Variants in STIM1 observed in about 807,000 individuals in gnomAD.
STIM1 encodes stromal interaction molecule 1.
In STIM1, 25 loss-of-function variants were observed where a neutral mutation model predicts 74.7. The ratio of observed to expected loss-of-function variants is 0.33; its 90% CI spans 0.24 to 0.47. STIM1 has a LOEUF of 0.47. Among genes scored for constraint, STIM1 ranks in the 20% least tolerant of loss-of-function variants. The pLI is 1.00. For missense variants in STIM1, 728 were observed against 920.8 expected (o/e 0.79, Z 2.71); for synonymous variants, 328 against 348.8 (o/e 0.94, Z 0.66).
intron 1 of STIM1, among the ~76,000 whole-genome samples, chr11:3,954,689 G>A (rs140716575): frequency 1.6e-3 from 241 of 152,282 alleles, no homozygotes; most frequent in African/African-American, 5.4e-3. Context: ...AGAAGTAAGA[G>A]CCTTCCATAC....
chr11:3,883,384 T>A lies in STIM1; in HGVS notation c.139+26975T>A, dbSNP rs1327677509. Among the ~76,000 whole-genome samples, 4 of 152,194 alleles carry A rather than the reference T, an allele frequency of 2.6e-5. No homozygotes were observed. The East Asian group carries it at 7.7e-4, about 29-fold the overall frequency. ...TGTTTTTGTTTTTTGAGACAGAGTT[T>A]CACTCTTGTTGCCCAGGCTGGAGTG... On this transcript the variant is annotated intron_variant, in intron 1 of 12. Coordinates refer to ENST00000526596, the MANE Select transcript of STIM1 (RefSeq NM_001382567.1).
chr11:3,954,144 G>A (rs1207473977), intron 1 of STIM1, among the ~76,000 whole-genome samples: 2 of 151,998 alleles, frequency 1.3e-5, no homozygotes, highest in South Asian at 2.1e-4. Flanking sequence ...GGCTTTCTTT[G>A]TTTGGGTTGC....
At chr11:4,047,946 G>A (rs2094207009) in intron 3 of STIM1, among the ~76,000 whole-genome samples, 1 of 151,696 alleles carries the variant, frequency 6.6e-6, no homozygotes, top group Non-Finnish European at 1.5e-5. Context: ...AGCCTCCCAA[G>A]TAGCTGGAAC....
At chr11:3,974,645 C>A (rs61897199) in intron 2 of STIM1, among the ~76,000 whole-genome samples, 7 of 151,894 alleles carry the variant, frequency 4.6e-5, no homozygotes, top group African/African-American at 1.2e-4. Context: ...GCCATCTTTG[C>A]TTGCTTCTCT....
chr11:3,867,533 T>C (rs1173309226), intron 1 of STIM1: 1 of 152,276 alleles, frequency 6.6e-6, no homozygotes, highest in African/African-American at 2.4e-5. Flanking sequence ...AAACCTTTCA[T>C]GGTTCCCACT....
In STIM1 at chr11:4,065,165, TG is replaced by T. The variant is rs374353125; in HGVS notation, c.614-4860del. 1.7e-3 allele frequency among the ~76,000 whole-genome samples: 256 copies of T among 152,326 alleles called. 10 individuals carry two copies. In the South Asian group the frequency reaches 0.052, roughly 31 times the overall value. On this transcript the variant is annotated intron_variant, in intron 5 of 12. Coordinates refer to ENST00000526596, the MANE Select transcript of STIM1 (RefSeq NM_001382567.1). ...CTTTCAGCAGGAATATTGAGAAAAG[TG>T]CAGGGAGGCCTACAGAATAATTGTT...
chr11:4,011,185 G>A (rs552308334), intron 2 of STIM1, among the ~76,000 whole-genome samples: 2 of 152,276 alleles, frequency 1.3e-5, no homozygotes, highest in African/African-American at 4.8e-5. Context: ...ACATATGTGT[G>A]CATGTGTCTT....
chr11:3,895,614 CTT>C (rs368628693), intron 1 of STIM1, among the ~76,000 whole-genome samples: 31,386 of 58,886 alleles, frequency 0.53, 6,439 homozygotes, highest in South Asian at 0.63. Context: ...CTCTCTCTTT[CTT>C]TCTTTCTTTC....
intron 7 of STIM1, among the ~76,000 whole-genome samples, chr11:4,076,485 CAAAAAAAA>C (rs58804386): frequency 4.7e-4 from 19 of 40,762 alleles, no homozygotes; most frequent in South Asian, 1.9e-3. Flanking sequence ...GACTCCATCT[CAAAAAAAA>C]AAAAAAAAAA....
At chr11:4,024,658 T>G (rs2093984507) in intron 3 of STIM1, among the ~76,000 whole-genome samples, 1 of 152,224 alleles carries the variant, frequency 6.6e-6, no homozygotes, top group Non-Finnish European at 1.5e-5. Context: ...ACCTTCTTGT[T>G]TCTGAATCCT....
chr11:4,066,884 G>A lies in STIM1; in HGVS notation c.614-3142G>A, dbSNP rs530932651. ...ATGGGAAGAAGCAGATTATTAGTAA[G>A]GCATAGATTAGACTCTTGATTTGCC... On this transcript the variant is annotated intron_variant, in intron 5 of 12. Coordinates refer to ENST00000526596, the MANE Select transcript of STIM1 (RefSeq NM_001382567.1). 3.3e-5 allele frequency among the ~76,000 whole-genome samples: 5 copies of A among 152,234 alleles called. No homozygotes were observed. The South Asian group carries it at 1.0e-3, about 32-fold the overall frequency.
In STIM1 at chr11:4,010,027, A is replaced by G. The variant is rs115819050; in HGVS notation, c.271-13846A>G. Among the ~76,000 whole-genome samples, 463 of 152,214 alleles carry G rather than the reference A, an allele frequency of 3.0e-3. 3 individuals carry two copies. Among genetic ancestry groups the G allele is most frequent in the African/African-American group, 0.01 (434 of 41,542 alleles). On this transcript the variant is annotated intron_variant, in intron 2 of 12. Coordinates refer to ENST00000526596, the MANE Select transcript of STIM1 (RefSeq NM_001382567.1). The stretch of plus-strand genomic sequence containing the variant: ...GGGGTTTCACTATGTTGCCCAGACT[A>G]GTCTTGAACTCCTGGGCTCAAGCAA...
chr11:3,873,677 A>C, intron 1 of STIM1, among the ~76,000 whole-genome samples: 1 of 152,094 alleles, frequency 6.6e-6, no homozygotes, highest in Non-Finnish European at 1.5e-5. Context: ...GAGCCTGGCA[A>C]GAGGGCAGTT....
Position 3,972,920 on chromosome 11 carries a change from C to T in STIM1, c.270+5238C>T, listed in dbSNP as rs1441869353. The T allele has an allele frequency of 1.6e-5, 8 of 503,296 alleles. No homozygotes were observed. In the Middle Eastern group the frequency reaches 2.8e-3, roughly 174 times the overall value. The allele number at this position is 503,296 out of a possible 1,614,324, so 31.2% of individuals were successfully genotyped here. On this transcript the variant is annotated intron_variant, in intron 2 of 12. Transcript: ENST00000526596. ...CCAAAGTTTCCTCCTTTCGTGCATCCAAAATTTGAGGACTGATTGTTATAA... is the reference window on the plus strand; with the variant it reads ...CCAAAGTTTCCTCCTTTCGTGCATCTAAAATTTGAGGACTGATTGTTATAA...
At chr11:4,055,664 G>T (rs201023169) in intron 4 of STIM1, 27 bp downstream of exon 4, 273 of 1,539,580 alleles carry the variant, frequency 1.8e-4, no homozygotes, top group Non-Finnish European at 2.2e-4. Flanking sequence ...GTTTTTCTCT[G>T]TTGAGGGTAC....
intron 1 of STIM1, among the ~76,000 whole-genome samples, chr11:3,953,764 A>T (rs1210114756): frequency 5.4e-5 from 8 of 146,890 alleles, no homozygotes; most frequent in African/African-American, 2.0e-4. Flanking sequence ...ATCGGTATTG[A>T]CTTCTTGATC....
chr11:3,959,731 A>G (rs2093264333), intron 1 of STIM1, among the ~76,000 whole-genome samples: 1 of 152,346 alleles, frequency 6.6e-6, no homozygotes, highest in South Asian at 2.1e-4. Flanking sequence ...AATAGCTATC[A>G]AAGTGTAGTC....
At chr11:4,015,435 C>T (rs1442060526) in intron 2 of STIM1, among the ~76,000 whole-genome samples, 1 of 152,214 alleles carries the variant, frequency 6.6e-6, no homozygotes, top group Admixed American at 6.5e-5. Context: ...ATGGGCTTCC[C>T]TTTGTGGGTA....
At chr11:4,021,212 A>G (rs1294452484) in intron 2 of STIM1, among the ~76,000 whole-genome samples, 1 of 151,954 alleles carries the variant, frequency 6.6e-6, no homozygotes, top group Non-Finnish European at 1.5e-5. Flanking sequence ...TGCAGCCTCC[A>G]CTTCCTGGGT....
Sources: allele counts gnomAD v4.1 joint callset (sites outside exome capture counted in the v4.1 genomes callset), GRCh38; gene constraint gnomAD v4.1.1; transcripts MANE v1.5; gene names NCBI Gene and HGNC (gene_info 2026-07-23, HGNC 2026-07-21).